Variants in TEX9 observed in about 807,000 individuals in gnomAD.
The protein encoded by TEX9 is testis expressed 9, also known as testis-expressed protein 9.
In TEX9, 74 loss-of-function variants were observed where a neutral mutation model predicts 59.6. The ratio of observed to expected loss-of-function variants is 1.24; its 90% CI spans 1.03 to 1.51. The LOEUF (loss-of-function observed/expected upper bound fraction) is 1.51. Ranked by LOEUF, TEX9 falls within the 40% of genes most tolerant of loss-of-function variation. The pLI is 0.00. For missense variants in TEX9, 522 were observed against 447.8 expected, an observed-to-expected ratio of 1.17 and a Z score of -1.49; for synonymous variants, 186 against 152.2, an observed-to-expected ratio of 1.22 and a Z score of -1.64.
intron 1 of TEX9, among the ~76,000 whole-genome samples, chr15:56,275,906 C>G (rs1339478822): frequency 6.6e-6 from 1 of 151,932 alleles, no homozygotes; most frequent in African/African-American, 2.4e-5. Flanking sequence ...GTATAGAACT[C>G]TATACTCAGT....
chr15:56,401,344 A>G (rs1305521097), intron 9 of TEX9, among the ~76,000 whole-genome samples: 18 of 147,592 alleles, frequency 1.2e-4, no homozygotes, highest in African/African-American at 4.5e-4. Flanking sequence ...AGGGGTTGCA[A>G]TCCTAGCCTC....
chr15:56,265,531 G>A (rs2044360460), intron 1 of TEX9, among the ~76,000 whole-genome samples: 1 of 151,998 alleles, frequency 6.6e-6, no homozygotes, highest in African/African-American at 2.4e-5. Context: ...AGCTTTATCT[G>A]CATCCCAATA....
At chr15:56,408,078 T>C (rs550849089) in intron 9 of TEX9, among the ~76,000 whole-genome samples, 12 of 152,346 alleles carry the variant, frequency 7.9e-5, no homozygotes, top group African/African-American at 2.4e-4. Context: ...TTAAAACTTC[T>C]TTAGATCTTA....
chr15:56,432,179 A>G (rs1348742319), intron 12 of TEX9, among the ~76,000 whole-genome samples: 3 of 152,196 alleles, frequency 2.0e-5, no homozygotes, highest in African/African-American at 4.8e-5. Flanking sequence ...ATTTTTGTCC[A>G]ATGGTAGAGT....
chr15:56,400,628 C>G (rs1469213392), intron 9 of TEX9, among the ~76,000 whole-genome samples: 1 of 152,134 alleles, frequency 6.6e-6, no homozygotes, highest in Non-Finnish European at 1.5e-5. Flanking sequence ...TCAGGAAATA[C>G]AGACAACACC....
At chr15:56,418,876 A>G (rs1277068648) in intron 10 of TEX9, among the ~76,000 whole-genome samples, 1 of 152,028 alleles carries the variant, frequency 6.6e-6, no homozygotes. Context: ...ACATCCAATG[A>G]GCATTTATTA....
chr15:56,367,371 A>G (rs1382232417), intron 2 of TEX9, among the ~76,000 whole-genome samples: 1 of 152,214 alleles, frequency 6.6e-6, no homozygotes, highest in Admixed American at 6.5e-5. Context: ...ACAGTATGGT[A>G]TCTGTTTTGC....
At chr15:56,304,042 C>G (rs900007466) in intron 1 of TEX9, among the ~76,000 whole-genome samples, 49 of 152,116 alleles carry the variant, frequency 3.2e-4, no homozygotes. Context: ...GATTTTATGG[C>G]TTTAGTGTTG....
At chr15:56,302,206 G>T (rs1434972835) in intron 1 of TEX9, among the ~76,000 whole-genome samples, 2 of 152,084 alleles carry the variant, frequency 1.3e-5, no homozygotes, top group Non-Finnish European at 2.9e-5. Context: ...ACCTCCAACA[G>T]TCTGGGCACA....
At chr15:56,276,861 A>G (rs953052101) in intron 1 of TEX9, among the ~76,000 whole-genome samples, 18 of 152,148 alleles carry the variant, frequency 1.2e-4, no homozygotes, top group Admixed American at 9.8e-4. Context: ...TAGCCGTTCT[A>G]ACTGGTGTGA....
intron 1 of TEX9, among the ~76,000 whole-genome samples, chr15:56,316,060 T>G (rs1381178791): frequency 2.7e-5 from 4 of 149,432 alleles, no homozygotes; most frequent in East Asian, 1.9e-4. Flanking sequence ...TTCTAAATTT[T>G]TTTCAAAGTT....
chr15:56,266,028 GATTTTACTTCCTATATTCTGCAA>G (rs1403891964), intron 1 of TEX9, among the ~76,000 whole-genome samples: 1 of 152,194 alleles, frequency 6.6e-6, no homozygotes, highest in African/African-American at 2.4e-5. Context: ...TATTCTGTCA[GATTTTACTTCCTATATTCTGCAA>G]ATCTTTTGTT....
intron 6 of TEX9, among the ~76,000 whole-genome samples, chr15:56,390,759 C>T (rs1160678466): frequency 1.3e-5 from 2 of 152,046 alleles, no homozygotes; most frequent in Non-Finnish European, 2.9e-5. Flanking sequence ...GTAATTCTTT[C>T]TCAAGGGGTA....
chr15:56,296,270 C>T (rs185692426), intron 1 of TEX9, among the ~76,000 whole-genome samples: 1 of 152,144 alleles, frequency 6.6e-6, no homozygotes, highest in Non-Finnish European at 1.5e-5. Flanking sequence ...CTTTTAAAAT[C>T]TAATTACCTA....
At chr15:56,332,748 A>G (rs1438568390) in intron 1 of TEX9, among the ~76,000 whole-genome samples, 2 of 152,122 alleles carry the variant, frequency 1.3e-5, no homozygotes, top group Admixed American at 1.3e-4. Flanking sequence ...TTGGTTTTTG[A>G]AAAGAAAAAA....
At chr15:56,421,858 G>T (rs1225902957) in intron 10 of TEX9, 1 of 151,492 alleles carries the variant, frequency 6.6e-6, no homozygotes, top group Admixed American at 6.6e-5. Context: ...TCTTAATTCA[G>T]TCTATCATTG....
At chr15:56,417,658 T>C (rs2049763975) in intron 10 of TEX9, among the ~76,000 whole-genome samples, 1 of 151,908 alleles carries the variant, frequency 6.6e-6, no homozygotes. Flanking sequence ...GAAGAATGTA[T>C]ATTGTGTTGT....
chr15:56,383,837 T>C (rs28756289), intron 3 of TEX9, 115 bp from the exon 4 acceptor site: 12,191 of 685,440 alleles, frequency 0.018, 471 homozygotes, highest in East Asian at 0.1. Context: ...TGCCTTTATG[T>C]TATGGAAACC....
At chr15:56,283,172 A>G (rs1379680554) in intron 1 of TEX9, among the ~76,000 whole-genome samples, 1 of 152,064 alleles carries the variant, frequency 6.6e-6, no homozygotes, top group Admixed American at 6.6e-5. Context: ...GAAGGGACAC[A>G]GGGGAAGCTG....
Sources: gnomAD v4.1 joint callset for allele counts (sites outside exome capture counted in the v4.1 genomes callset) on GRCh38, gnomAD v4.1.1 for gene constraint, MANE v1.5 for transcripts, NCBI Gene and HGNC (gene_info 2026-07-23, HGNC 2026-07-21) for gene names.